The following TTC7A variants were observed in gnomAD, a reference collection of about 807,000 sequenced individuals.
TTC7A encodes the protein tetratricopeptide repeat protein 7A.
TTC7A carries 110 observed loss-of-function variants against 103.7 expected under a neutral mutation model. The observed-to-expected ratio is 1.06, with a 90% CI of 0.91 to 1.24. The LOEUF is 1.24. Ranked by LOEUF, TTC7A falls within the 50% of genes most tolerant of loss-of-function variation. TTC7A has a pLI of 0.00. For synonymous variants in TTC7A, 521 were observed against 467.9 expected (o/e 1.11, Z -1.47); for missense variants, 1,340 against 1,116.3 (o/e 1.20, Z -2.86).
At chr2:46,930,062 T>TG (rs1007587782) in intron 2 of TTC7A, among the ~76,000 whole-genome samples, 1 of 152,118 alleles carries the variant, frequency 6.6e-6, no homozygotes, top group African/African-American at 2.4e-5. Context: ...CCTGAGATTT[T>TG]GGGGGGAGTT....
At chr2:46,978,737 G>A (rs779610333) in intron 4 of TTC7A, 55 bp from the exon 5 acceptor site, 35 of 1,447,804 alleles carry the variant, frequency 2.4e-5, no homozygotes, top group Non-Finnish European at 3.3e-5. Flanking sequence ...CTTGCTGAGT[G>A]ACCCTCTGCC....
At chr2:46,921,771 G>A (rs35938067) in intron 2 of TTC7A, among the ~76,000 whole-genome samples, 6,685 of 152,262 alleles carry the variant, frequency 0.044, 184 homozygotes, top group Middle Eastern at 0.088. Flanking sequence ...TCAGGCATTA[G>A]TTAGATTCTC....
At chr2:46,949,647 T>C (rs918790107) in intron 1 of TTC7A, among the ~76,000 whole-genome samples, 1 of 152,194 alleles carries the variant, frequency 6.6e-6, no homozygotes, top group Non-Finnish European at 1.5e-5. Flanking sequence ...ATTCAACATG[T>C]TCGAGGATTT....
chr2:46,971,891 C>G (rs1040763486), intron 3 of TTC7A, among the ~76,000 whole-genome samples: 2 of 147,366 alleles, frequency 1.4e-5, no homozygotes, highest in African/African-American at 2.5e-5. Flanking sequence ...GGACAGCACT[C>G]TCTAGTCAGG....
chr2:47,041,150 C>T (rs1301166422), intron 15 of TTC7A, among the ~76,000 whole-genome samples: 2 of 152,212 alleles, frequency 1.3e-5, no homozygotes, highest in Non-Finnish European at 2.9e-5. Context: ...TCCCCAGGTC[C>T]TGCTTTCACA....
chr2:46,978,298 C>G (rs1674075260), intron 4 of TTC7A: 1 of 153,434 alleles, frequency 6.5e-6, no homozygotes, highest in Non-Finnish European at 1.4e-5. Context: ...CACCACCTGC[C>G]ACGTTAGTGG....
At chr2:46,975,203 G>T in intron 4 of TTC7A, 100 bp downstream of exon 4, 2 of 1,489,408 alleles carry the variant, frequency 1.3e-6, no homozygotes, top group Non-Finnish European at 1.8e-6. Flanking sequence ...CTAATTAGAA[G>T]AAGTCACCTT....
At chr2:47,059,340 G>A (rs923356953) in intron 18 of TTC7A, among the ~76,000 whole-genome samples, 2 of 151,922 alleles carry the variant, frequency 1.3e-5, no homozygotes, top group African/African-American at 4.8e-5. Context: ...TTTAAGTATG[G>A]ATTATAGCAC....
Position 46,941,675 on chromosome 2 carries a change from G to T in TTC7A, c.134G>T (p.Gly45Val). 1 of 1,551,784 alleles carries T rather than the reference G, an allele frequency of 6.4e-7. No individual in the cohort carries two copies. Residue 45 changes from glycine (G) to valine (V), a missense_variant, in exon 1 of 20, where the codon GGA (glycine) becomes GTA (valine). Coordinates refer to ENST00000319190, the MANE Select transcript of TTC7A (RefSeq NM_020458.4). This position sits in a 1 kb window ranked among gnomAD's most constrained non-coding sequence, Gnocchi z 4.2. ...QLQTLSMPGG[G>V]GNRRGSPSAA... ...CAGACGCTGAGCATGCCCGGCGGCGGAGGTAACAGGCGAGGCAGCCCGAGC... is the reference window on the plus strand; with the variant it reads ...CAGACGCTGAGCATGCCCGGCGGCGTAGGTAACAGGCGAGGCAGCCCGAGC...
intron 15 of TTC7A, among the ~76,000 whole-genome samples, chr2:47,044,584 A>G (rs962435715): frequency 5.9e-5 from 9 of 152,136 alleles, no homozygotes; most frequent in East Asian, 1.9e-4. Context: ...CGTTAGTTCT[A>G]TGTTCCAAGA....
chr2:47,053,542 G>GA (rs1683059587), intron 18 of TTC7A, among the ~76,000 whole-genome samples: 1 of 128,018 alleles, frequency 7.8e-6, no homozygotes, highest in African/African-American at 3.5e-5. Context: ...TTGTTTGTTT[G>GA]TTTGGTTGGT....
chr2:46,933,985 G>A (rs1669840611), intron 2 of TTC7A, among the ~76,000 whole-genome samples: 1 of 152,112 alleles, frequency 6.6e-6, no homozygotes, highest in South Asian at 2.1e-4. Context: ...TCTGATGGCT[G>A]GGAGCACTTG....
chr2:47,000,060 A>G (rs998257137), intron 8 of TTC7A, among the ~76,000 whole-genome samples: 6 of 152,238 alleles, frequency 3.9e-5, no homozygotes, highest in Non-Finnish European at 8.8e-5. Context: ...AATGGAGCTA[A>G]TAAGATCTTT....
At chr2:46,988,080 C>T (rs190437658) in intron 5 of TTC7A, among the ~76,000 whole-genome samples, 209 of 152,282 alleles carry the variant, frequency 1.4e-3, no homozygotes, top group Non-Finnish European at 1.8e-3. Flanking sequence ...CTGAGAGCCT[C>T]CTGGTGCTCT....
intron 2 of TTC7A, chr2:46,956,527 G>T (rs1274281333): frequency 1.2e-5 from 4 of 333,166 alleles, no homozygotes; most frequent in African/African-American, 6.2e-5. Flanking sequence ...TGCAGTCTTT[G>T]GGGGGATTCA....
At chr2:47,009,912 G>A (rs56226509) in intron 10 of TTC7A, among the ~76,000 whole-genome samples, 1 of 142,036 alleles carries the variant, frequency 7.0e-6, no homozygotes. Flanking sequence ...TTGGTGGTGG[G>A]GGGGACAGGG....
chr2:47,029,194 G>A, intron 14 of TTC7A, 30 bp from the exon 15 acceptor site: 4 of 1,611,404 alleles, frequency 2.5e-6, no homozygotes, highest in Non-Finnish European at 3.4e-6. Context: ...TGTGCCTGGG[G>A]AAGGCTAACC....
chr2:46,999,840 G>A (rs1042537926), intron 8 of TTC7A: 1 of 985,334 alleles, frequency 1.0e-6, no homozygotes, highest in African/African-American at 1.7e-5. Context: ...ACAAGTTGCT[G>A]CTGTTAGAAA....
At chr2:47,044,825 A>G (rs372761942) in intron 15 of TTC7A, among the ~76,000 whole-genome samples, 91 of 152,322 alleles carry the variant, frequency 6.0e-4, no homozygotes, top group African/African-American at 2.0e-3. Flanking sequence ...AATCTAAGAG[A>G]CAAAGTATGG....
Sources: allele counts gnomAD v4.1 joint callset (sites outside exome capture counted in the v4.1 genomes callset), GRCh38; gene constraint gnomAD v4.1.1; non-coding constraint Gnocchi (gnomAD v3.1); transcripts MANE v1.5; gene names NCBI Gene and HGNC (gene_info 2026-07-23, HGNC 2026-07-21).